The following TJP2 variants were observed in gnomAD, a reference collection of about 807,000 sequenced individuals.
The protein encoded by TJP2 is tight junction protein 2.
In TJP2, 91 loss-of-function variants were observed where a neutral mutation model predicts 133.1. The observed-to-expected ratio is 0.68, with a 90% confidence interval of 0.58 to 0.81. The LOEUF (loss-of-function observed/expected upper bound fraction) is 0.81. Among genes scored for constraint, TJP2 ranks in the 40% least tolerant of loss-of-function variants. The pLI is 0.00. For synonymous variants in TJP2, 592 were observed against 583.4 expected (o/e 1.01, Z -0.21); for missense variants, 1,541 against 1,565.6 (o/e 0.98, Z 0.26).
At chr9:69,191,969 C>T (rs1588016677) in intron 1 of TJP2, among the ~76,000 whole-genome samples, 1 of 151,916 alleles carries the variant, frequency 6.6e-6, no homozygotes, top group Non-Finnish European at 1.5e-5. Flanking sequence ...AACTCCTAAC[C>T]TCAGGTGATC....
At chr9:69,236,762 G>C (rs780687550) in intron 13 of TJP2, among the ~76,000 whole-genome samples, 187 bp from the exon 14 acceptor site, 3 of 152,268 alleles carry the variant, frequency 2.0e-5, no homozygotes, top group Non-Finnish European at 2.9e-5. Context: ...ATTTCACAGA[G>C]ACCCAGCCTT....
At chr9:69,183,107 A>G (rs1825632022) in intron 1 of TJP2, among the ~76,000 whole-genome samples, 1 of 151,886 alleles carries the variant, frequency 6.6e-6, no homozygotes, top group Admixed American at 6.6e-5. Flanking sequence ...AGGGAATTTT[A>G]TTTATTGTGG....
At chr9:69,213,507 G>A (rs1407275121) in intron 2 of TJP2, among the ~76,000 whole-genome samples, 2 of 152,168 alleles carry the variant, frequency 1.3e-5, no homozygotes, top group African/African-American at 4.8e-5. Context: ...CATAGGAAGA[G>A]TTTTCCTTTG....
chr9:69,226,222 G>A, intron 7 of TJP2, 47 bp downstream of exon 7: 4 of 1,594,492 alleles, frequency 2.5e-6, no homozygotes, highest in Non-Finnish European at 3.4e-6. Flanking sequence ...AAGGAAGGCT[G>A]TTGCTTCCCC....
At chr9:69,153,977 C>G (rs2133354120) in intron 2 of TJP2, among the ~76,000 whole-genome samples, 1 of 152,276 alleles carries the variant, frequency 6.6e-6, no homozygotes, top group East Asian at 1.9e-4. Flanking sequence ...TCATTAAGGG[C>G]CTTTTATGTG....
At chr9:69,243,463 CATA>C (rs1830705888) in intron 17 of TJP2, among the ~76,000 whole-genome samples, 1 of 152,196 alleles carries the variant, frequency 6.6e-6, no homozygotes. Context: ...GTTGACTTGT[CATA>C]ATAAGTTTAA....
intron 1 of TJP2, among the ~76,000 whole-genome samples, chr9:69,176,805 C>T (rs574070793): frequency 6.6e-6 from 1 of 152,286 alleles, no homozygotes; most frequent in Non-Finnish European, 1.5e-5. Flanking sequence ...TTGAGTTTAG[C>T]AAGGTTTTCT....
At position 69,131,779 on chromosome 9, in the gene TJP2, G is replaced by A. The variant is rs149472269; in HGVS notation, c.-131+10054G>A. ...ATTCCTGCTGGCCCCTGTAGGCCCT[G>A]GGTGTGTGATTCCTCTGGTTAATGG... On this transcript the variant is annotated intron_variant, in intron 1 of 5. Coordinates refer to the TJP2 transcript ENST00000423935. Among the ~76,000 whole-genome samples the A allele has an allele frequency of 1.4e-3, 217 of 152,234 alleles. 2 individuals are homozygous for A. Among genetic ancestry groups the A allele is most frequent in the Non-Finnish European group, 2.5e-3 (167 of 68,010 alleles).
intron 2 of TJP2, among the ~76,000 whole-genome samples, chr9:69,167,160 C>A (rs1294318856): frequency 2.6e-5 from 4 of 152,018 alleles, no homozygotes; most frequent in Non-Finnish European, 5.9e-5. Flanking sequence ...ATTGCTTGAA[C>A]TCAGGAGGCG....
intron 19 of TJP2, 199 bp from the exon 20 acceptor site, chr9:69,249,176 T>C (rs1831147054): frequency 1.0e-6 from 1 of 985,336 alleles, no homozygotes. Flanking sequence ...AGGAAGAGAC[T>C]CTACATTGGA....
intron 1 of TJP2, among the ~76,000 whole-genome samples, chr9:69,134,597 T>C (rs1822643996): frequency 6.6e-6 from 1 of 152,108 alleles, no homozygotes; most frequent in Non-Finnish European, 1.5e-5. Context: ...AGTGTCCACT[T>C]GGAAGGCTGA....
At chr9:69,189,385 A>C (rs1283443555) in intron 1 of TJP2, among the ~76,000 whole-genome samples, 1 of 152,152 alleles carries the variant, frequency 6.6e-6, no homozygotes, top group African/African-American at 2.4e-5. Context: ...CCCAGAATTG[A>C]TAGGTTAGTT....
At chr9:69,225,905 G>C in intron 6 of TJP2, 117 bp from the exon 7 acceptor site, 1 of 1,111,880 alleles carries the variant, frequency 9.0e-7, no homozygotes, top group Admixed American at 2.1e-5. Context: ...TCATCCTAAA[G>C]CCAATATCTG....
Position 69,174,296 on chromosome 9 carries a change from C to T in TJP2, c.-77C>T. On this transcript the variant is annotated 5_prime_UTR_variant, in exon 1 of 23. Coordinates refer to ENST00000377245, the MANE Select transcript of TJP2 (RefSeq NM_004817.4). The stretch of plus-strand genomic sequence containing the variant: ...CGGGTCAGAGCACTGTCCGGTGGTG[C>T]CCAGGAGGAGTAGGAGCAGGAGCAG... The T allele has an allele frequency of 1.3e-6, 2 of 1,549,566 alleles. No individual in the cohort carries two copies. Among genetic ancestry groups the T allele is most frequent in the South Asian group, 2.4e-5 (2 of 83,928 alleles).
intron 1 of TJP2, among the ~76,000 whole-genome samples, chr9:69,137,241 CTCTCTCTCTT>C (rs1264728253): frequency 3.9e-5 from 1 of 25,738 alleles, no homozygotes; most frequent in Non-Finnish European, 8.3e-5. Flanking sequence ...TTCTTTCTTT[CTCTCTCTCTT>C]TCTTTCTTTC....
chr9:69,235,749 T>A (rs1274588594), intron 12 of TJP2, among the ~76,000 whole-genome samples: 2 of 152,178 alleles, frequency 1.3e-5, no homozygotes, highest in Non-Finnish European at 2.9e-5. Context: ...TACGTGACTG[T>A]CATTCAAAAA....
chr9:69,241,134 A>G (rs1378446538), intron 17 of TJP2, among the ~76,000 whole-genome samples: 4 of 152,204 alleles, frequency 2.6e-5, no homozygotes, highest in Non-Finnish European at 5.9e-5. Context: ...TTAAAGATTT[A>G]CCTAATAGAA....
At chr9:69,174,064 C>T, upstream of TJP2, 1 of 1,086,992 alleles carries the variant, frequency 9.2e-7, no homozygotes, top group Non-Finnish European at 1.1e-6. Flanking sequence ...TGACGCGGTT[C>T]GCCGCAGGAG....
intron 7 of TJP2, among the ~76,000 whole-genome samples, chr9:69,227,138 TA>T (rs1829415959): frequency 6.9e-6 from 1 of 143,990 alleles, no homozygotes; most frequent in Non-Finnish European, 1.5e-5. Flanking sequence ...TTTTTTTTTT[TA>T]AAGGAATTTC....
Sources: gnomAD v4.1 joint callset for allele counts (sites outside exome capture counted in the v4.1 genomes callset) on GRCh38, gnomAD v4.1.1 for gene constraint, MANE v1.5 for transcripts, NCBI Gene and HGNC (gene_info 2026-07-23, HGNC 2026-07-21) for gene names.